The following TF variants were observed in gnomAD, a reference collection of about 807,000 sequenced individuals.
TF encodes transferrin, also known as serotransferrin.
Under a neutral mutation model 82.4 loss-of-function variants are expected in TF, and 55 were observed. The observed-to-expected ratio is 0.67, with a 90% CI of 0.54 to 0.84. TF has a LOEUF of 0.84. Among genes scored for constraint, TF ranks in the 40% least tolerant of loss-of-function variants. The pLI, the probability that TF is intolerant of heterozygous loss-of-function variation, is 0.00. For synonymous variants in TF, 332 were observed against 332.6 expected (o/e 1.00, Z 0.02); for missense variants, 737 against 868.4 (o/e 0.85, Z 1.90).
chr3:133,663,444 G>A, the TF span, among the ~76,000 whole-genome samples: 2 of 141,742 alleles, frequency 1.4e-5, no homozygotes, highest in Admixed American at 1.5e-4. Flanking sequence ...GAAGGGTGAA[G>A]AAAGCCTTAA....
At chr3:133,673,579 C>G in the TF span, among the ~76,000 whole-genome samples, 4 of 152,160 alleles carry the variant, frequency 2.6e-5, no homozygotes. Flanking sequence ...CATAGCATCT[C>G]CAGTGAAAGA....
chr3:133,707,347 G>T, the TF span: 1 of 152,362 alleles, frequency 6.6e-6, no homozygotes, highest in South Asian at 2.1e-4. Flanking sequence ...GTAGGCAAGG[G>T]CTTGCCATGG....
At chr3:133,753,473 G>T in intron 2 of TF, 122 bp from the exon 3 acceptor site, 1 of 809,200 alleles carries the variant, frequency 1.2e-6, no homozygotes, top group East Asian at 2.5e-5. Flanking sequence ...GCTGTGCGTG[G>T]TCTAGTCAAG....
chr3:133,669,272 G>T, the TF span, among the ~76,000 whole-genome samples: 1 of 152,130 alleles, frequency 6.6e-6, no homozygotes, highest in African/African-American at 2.4e-5. Context: ...AAAGTGCTGG[G>T]ATTGCAAGCA....
chr3:133,762,620 C>T (rs1934024905), intron 9 of TF, among the ~76,000 whole-genome samples: 1 of 152,064 alleles, frequency 6.6e-6, no homozygotes, highest in African/African-American at 2.4e-5. Flanking sequence ...GGTCTTGGAA[C>T]ATATCCCTTG....
At chr3:133,736,631 C>CAAAAAAGAAAAAAAAAAAAAAAAAAAAA in the TF span, among the ~76,000 whole-genome samples, 59 of 32,552 alleles carry the variant, frequency 1.8e-3, 6 homozygotes, top group East Asian at 2.5e-3. Context: ...AATGGAAAGC[C>CAAAAAAGAAAAAAAAAAAAAAAAAAAAA]AAAAAAAAAA....
Position 133,759,162 on chromosome 3 carries a change from T to C in TF, c.1049-13T>C. On this transcript the variant is annotated splice_polypyrimidine_tract_variant and intron_variant, in intron 8 of 16. Transcript: ENST00000402696. Reference sequence around the variant, plus strand: ...GGGCCGCTTCTGATCTTTGTTCTTTTTTTATGCCATAGGCCCAGAAGCCCC... The same window carrying C: ...GGGCCGCTTCTGATCTTTGTTCTTTCTTTATGCCATAGGCCCAGAAGCCCC... 1 of 1,614,110 alleles carries C rather than the reference T, an allele frequency of 6.2e-7. No homozygotes were observed. Among genetic ancestry groups the C allele is most frequent in the African/African-American group, 1.3e-5 (1 of 75,038 alleles).
the TF span, among the ~76,000 whole-genome samples, chr3:133,690,595 T>C: frequency 6.6e-6 from 1 of 152,196 alleles, no homozygotes; most frequent in African/African-American, 2.4e-5. Context: ...ATTTTTGTAA[T>C]GTGTGTATGT....
the TF span, among the ~76,000 whole-genome samples, chr3:133,669,239 C>T: frequency 1.3e-5 from 2 of 152,022 alleles, no homozygotes; most frequent in Middle Eastern, 3.2e-3. Context: ...TGACCTCAGG[C>T]GATCCACCCA....
At chr3:133,716,821 C>A in the TF span, among the ~76,000 whole-genome samples, 2 of 152,210 alleles carry the variant, frequency 1.3e-5, no homozygotes, top group Admixed American at 1.3e-4. Context: ...ACCTCATCTA[C>A]TTCTTTCCCT....
chr3:133,745,404 G>A (rs1187742496), upstream of TF, among the ~76,000 whole-genome samples: 4 of 152,172 alleles, frequency 2.6e-5, no homozygotes, highest in Non-Finnish European at 5.9e-5. Flanking sequence ...TAAGCAAAAC[G>A]ACATTTGAAA....
the TF span, among the ~76,000 whole-genome samples, chr3:133,677,126 T>C: frequency 1.3e-5 from 2 of 152,256 alleles, no homozygotes; most frequent in African/African-American, 2.4e-5. Flanking sequence ...CACCTTGGCC[T>C]CCACCTCCTT....
intron 15 of TF, 37 bp from the exon 16 acceptor site, chr3:133,777,012 C>T (rs1297090286): frequency 1.5e-5 from 24 of 1,601,012 alleles, no homozygotes; most frequent in Non-Finnish European, 2.0e-5. Context: ...CTGCTAAAGA[C>T]CACAAGGTCC....
chr3:133,715,863 G>C, the TF span, among the ~76,000 whole-genome samples: 1 of 152,212 alleles, frequency 6.6e-6, no homozygotes, highest in Non-Finnish European at 1.5e-5. Flanking sequence ...AGTGATCTCT[G>C]TTGCTAAATC....
chr3:133,688,963 A>C, the TF span, among the ~76,000 whole-genome samples: 1 of 152,250 alleles, frequency 6.6e-6, no homozygotes, highest in Non-Finnish European at 1.5e-5. Context: ...TATCTCATTT[A>C]CATTTAAAAT....
At chr3:133,700,991 A>C in the TF span, 1 of 152,602 alleles carries the variant, frequency 6.6e-6, no homozygotes, top group Non-Finnish European at 1.5e-5. Flanking sequence ...GTCCCACCTA[A>C]GATAGATGCC....
the TF span, among the ~76,000 whole-genome samples, chr3:133,736,631 CAAAAA>C: frequency 0.012 from 376 of 32,568 alleles, 16 homozygotes; most frequent in East Asian, 0.078. Context: ...AATGGAAAGC[CAAAAA>C]AAAAAAAAAA....
At chr3:133,763,315 G>A (rs575863467) in intron 9 of TF, among the ~76,000 whole-genome samples, 3 of 152,218 alleles carry the variant, frequency 2.0e-5, no homozygotes, top group African/African-American at 7.2e-5. Context: ...AATCATTATT[G>A]AGGATAATAT....
At chr3:133,669,876 C>G in the TF span, among the ~76,000 whole-genome samples, 4 of 152,182 alleles carry the variant, frequency 2.6e-5, no homozygotes, top group Admixed American at 6.5e-5. Context: ...ATTTTCCAAC[C>G]TTATATTAGA....
Sources: allele counts gnomAD v4.1 joint callset (sites outside exome capture counted in the v4.1 genomes callset), GRCh38; gene constraint gnomAD v4.1.1; transcripts MANE v1.5; gene names NCBI Gene and HGNC (gene_info 2026-07-23, HGNC 2026-07-21).